CER1: variants seen among roughly 807,000 people sequenced by gnomAD.
The protein encoded by CER1 is cerberus.
CER1 carries 10 observed loss-of-function variants against 11.8 expected under a neutral mutation model. The ratio of observed to expected loss-of-function variants is 0.85; its 90% CI spans 0.52 to 1.44. The LOEUF is 1.44. Among genes scored for constraint, CER1 ranks in the 40% most tolerant of loss-of-function variants. CER1 has a pLI of 0.00. For missense variants in CER1, 431 were observed against 327.0 expected (o/e 1.32, Z -2.45); for synonymous variants, 141 against 122.3 (o/e 1.15, Z -1.01).
At position 14,719,969 on chromosome 9, in the gene CER1, A is replaced by G. The variant is rs74434454; in HGVS notation, c.*121T>C. The stretch of plus-strand genomic sequence containing the variant: ...ATTTCCTCTATCGTTCTAATTTAAA[A>G]CTACGTTTCAAGTCACCTTTCCCTG... On this transcript the variant is annotated 3_prime_UTR_variant, in exon 2 of 2. Coordinates refer to ENST00000380911, the MANE Select transcript of CER1 (RefSeq NM_005454.3). 87,224 of 870,508 alleles carry G rather than the reference A, an allele frequency of 0.1. 5,064 individuals carry two copies. Among genetic ancestry groups the G allele is most frequent in the Non-Finnish European group, 0.12 (67,241 of 557,250 alleles). 53.9% of individuals were successfully genotyped at this position (870,508 alleles called of 1,614,324 possible).
At position 14,722,660 on chromosome 9, in the gene CER1, A is replaced by T. The variant is rs775434586; in HGVS notation, c.13T>A (p.Leu5Ile). Residue 5 changes from leucine to isoleucine, a missense_variant, in exon 1 of 2, where the codon TTA becomes ATA. Coordinates refer to ENST00000380911, the MANE Select transcript of CER1 (RefSeq NM_005454.3). Reference protein sequence around the residue: MHLLLFQLLVLLPLG... With the variant: MHLLIFQLLVLLPLG... ...GGCAGGAGTACCAGCAGCTGAAATA[A>T]GAGGAGATGCATGCTGTCAGGGGCC... 3.1e-6 allele frequency: 5 copies of T among 1,599,900 alleles called. No homozygotes were observed. Among genetic ancestry groups the T allele is most frequent in the Non-Finnish European group, 4.2e-6 (5 of 1,179,342 alleles).
chr9:14,720,989 G>A (rs113161930), intron 1 of CER1, among the ~76,000 whole-genome samples: 3,005 of 152,246 alleles, frequency 0.02, 102 homozygotes, highest in African/African-American at 0.069. Flanking sequence ...AAATATGTAA[G>A]AGTCAAACAT....
chr9:14,719,980 A>G lies in CER1; in HGVS notation c.*110T>C. ...CGTTCTAATTTAAAACTACGTTTCA[A>G]GTCACCTTTCCCTGAAAATGTTATG... On this transcript the variant is annotated 3_prime_UTR_variant, in exon 2 of 2. Coordinates refer to ENST00000380911, the MANE Select transcript of CER1 (RefSeq NM_005454.3). 6 of 989,368 alleles carry G rather than the reference A, an allele frequency of 6.1e-6. No individual in the cohort carries two copies. Among genetic ancestry groups the G allele is most frequent in the Non-Finnish European group, 9.2e-6 (6 of 653,588 alleles). 61.3% of individuals were successfully genotyped at this position (989,368 alleles called of 1,614,324 possible).
At chr9:14,718,400 C>A (rs1397515660), downstream of CER1, among the ~76,000 whole-genome samples, 1 of 152,144 alleles carries the variant, frequency 6.6e-6, no homozygotes, top group Non-Finnish European at 1.5e-5. Flanking sequence ...ACAATTTTAT[C>A]CTTATGAGCA....
At position 14,722,225 on chromosome 9, in the gene CER1, A is replaced by T; in HGVS notation, c.448T>A (p.Leu150Met). The change falls in exon 1 of 2, where the codon TTG becomes ATG. Residue 150 changes from leucine (L) to methionine (M), a missense_variant. Physicochemically the swap from Leu to Met is conservative, Grantham distance 15 (BLOSUM62 2). Coordinates refer to ENST00000380911, the MANE Select transcript of CER1 (RefSeq NM_005454.3). ...RKTPASQGVI[L>M]PIKSHEVHWE... The stretch of plus-strand genomic sequence containing the variant: ...TGTACTTCATGGCTTTTGATGGGCA[A>T]GATGACCCCCTGAGAAGCCGGAGTT... 1 of 1,614,212 alleles carries T rather than the reference A, an allele frequency of 6.2e-7. No homozygotes were observed. Among genetic ancestry groups the T allele is most frequent in the Admixed American group, 1.7e-5 (1 of 60,032 alleles).
At chr9:14,718,943 A>C (rs1024494497), downstream of CER1, among the ~76,000 whole-genome samples, 1 of 152,070 alleles carries the variant, frequency 6.6e-6, no homozygotes, top group Non-Finnish European at 1.5e-5. Context: ...AAAACAAGTA[A>C]GGGAAAAATA....
At chr9:14,721,948 A>G (rs1355582874) in intron 1 of CER1, among the ~76,000 whole-genome samples, 1 of 152,222 alleles carries the variant, frequency 6.6e-6, no homozygotes, top group Non-Finnish European at 1.5e-5. Flanking sequence ...TGACAGTATC[A>G]TCATATCATT....
At chr9:14,717,751 T>C (rs1839956202), downstream of CER1, among the ~76,000 whole-genome samples, 1 of 152,172 alleles carries the variant, frequency 6.6e-6, no homozygotes, top group Non-Finnish European at 1.5e-5. Flanking sequence ...GCAAGAGACC[T>C]GGAAGAGTTC....
chr9:14,722,267 G>C lies in CER1; in HGVS notation c.406C>G (p.His136Asp). 6.2e-7 allele frequency: 1 copy of C among 1,614,178 alleles called. No homozygotes were observed. Among genetic ancestry groups the C allele is most frequent in the South Asian group, 1.1e-5 (1 of 91,074 alleles). ...LREEAKKFWH[H>D]FMFRKTPASQ... ...GCCGGAGTTTTTCTGAACATGAAGT[G>C]GTGCCAGAATTTCTTGGCTTCTTCC... Residue 136 changes from histidine (H) to aspartate (D), a missense_variant, in exon 1 of 2, where the codon CAC becomes GAC. Transcript: ENST00000380911.
Position 14,722,391 on chromosome 9 carries a change from C to A in CER1, c.282G>T (p.Met94Ile), listed in dbSNP as rs1587563800. The A allele has an allele frequency of 6.2e-7, 1 of 1,614,204 alleles. No homozygotes were observed. Among genetic ancestry groups the A allele is most frequent in the African/African-American group, 1.3e-5 (1 of 75,044 alleles). ...GRFWKKPERE[M>I]HPSRDSDSEP... is the part of the protein sequence containing the mutation. ...CACTATCTGAGTCCCTGGATGGATG[C>A]ATTTCTCTCTCAGGCTTCTTCCAGA... The change falls in exon 1 of 2, where the codon ATG becomes ATT. Residue 94 changes from methionine to isoleucine, a missense_variant. Physicochemically the swap from Met to Ile is conservative, Grantham distance 10. Coordinates refer to ENST00000380911, the MANE Select transcript of CER1 (RefSeq NM_005454.3).
At chr9:14,717,886 G>A (rs1839957452), downstream of CER1, among the ~76,000 whole-genome samples, 1 of 152,138 alleles carries the variant, frequency 6.6e-6, no homozygotes, top group South Asian at 2.1e-4. Flanking sequence ...AAAATACAGT[G>A]ATAACCTACT....
chr9:14,719,544 TGCCTGCCTGCCTGCCTG>T (rs1839975861), downstream of CER1, among the ~76,000 whole-genome samples: 1 of 69,734 alleles, frequency 1.4e-5, no homozygotes, highest in Non-Finnish European at 2.7e-5. Flanking sequence ...CCTGCCTGCC[TGCCTGCCTGCCTGCCTG>T]CCTTCCTTCC....
In CER1 at chr9:14,722,481, T is replaced by C. The variant is rs1840029090; in HGVS notation, c.192A>G (p.Val64=). The part of the protein sequence containing the change: ...PDLFVAVPHL[V]ATSPAGEGQR... ...GGCCTTCCCCTGCAGGGCTGGTGGC[T>C]ACAAGGTGTGGCACTGCGACAAACA... is the stretch of plus-strand genomic sequence containing the variant. Residue 64 remains valine, a synonymous_variant, in exon 1 of 2, where the codon GTA becomes GTG. Coordinates refer to ENST00000380911, the MANE Select transcript of CER1 (RefSeq NM_005454.3). 11 of 1,614,184 alleles carry C rather than the reference T, an allele frequency of 6.8e-6. No individual in the cohort carries two copies. Among genetic ancestry groups the C allele is most frequent in the Non-Finnish European group, 9.3e-6 (11 of 1,180,022 alleles).
At position 14,720,026 on chromosome 9, in the gene CER1, A is replaced by G. The variant is rs878942413; in HGVS notation, c.*64T>C. On this transcript the variant is annotated 3_prime_UTR_variant, in exon 2 of 2. Coordinates refer to ENST00000380911, the MANE Select transcript of CER1 (RefSeq NM_005454.3). Reference sequence around the variant, plus strand: ...TTATGTACCCACTTAACATTTTCAGACTGAATAATCAGCATCTTTGCTGTT... The same window carrying G: ...TTATGTACCCACTTAACATTTTCAGGCTGAATAATCAGCATCTTTGCTGTT... 3 of 1,501,232 alleles carry G rather than the reference A, an allele frequency of 2.0e-6. No homozygotes were observed. The highest frequency in any genetic ancestry group is 3.4e-5 in the Admixed American group (2 of 58,274). The allele number at this position is 1,501,232 out of a possible 1,614,324, so 93.0% of individuals were successfully genotyped here.
At chr9:14,719,667 C>T (rs1371095807), downstream of CER1, 1 of 151,846 alleles carries the variant, frequency 6.6e-6, no homozygotes, top group Non-Finnish European at 1.5e-5. Flanking sequence ...TGCTTCTTTG[C>T]TTGCTGGTGA....
chr9:14,722,690 C>G lies in CER1; in HGVS notation c.-18G>C. The G allele has an allele frequency of 6.3e-7, 1 of 1,576,818 alleles. No individual in the cohort carries two copies. The highest frequency in any genetic ancestry group is 8.5e-7 in the Non-Finnish European group (1 of 1,171,802). On this transcript the variant is annotated 5_prime_UTR_variant, in exon 1 of 2. Transcript: ENST00000380911. ...AGATGCATGCTGTCAGGGGCCCAAG[C>G]TTCTTTTGTAAATGATGAGGCCCAA...
rs1472372355 is a variant in CER1 at position 14,722,578 on chromosome 9, G to A, written c.95C>T (p.Pro32Leu). 1 of 1,613,468 alleles carries A rather than the reference G, an allele frequency of 6.2e-7. No individual in the cohort carries two copies. The highest frequency in any genetic ancestry group is 8.5e-7 in the Non-Finnish European group (1 of 1,180,040). The change falls in exon 1 of 2, where the codon CCC (proline) becomes CTC (leucine). Residue 32 changes from proline (P) to leucine (L), a missense_variant. Physicochemically the swap from Pro to Leu is moderately conservative, Grantham distance 98 (BLOSUM62 -3). Transcript: ENST00000380911. ...TCTTTGATTCCTTGGCAGGAGTACGGGGGAAAGAGAACTCTGATTCTGGCG... is the reference window on the plus strand; with the variant it reads ...TCTTTGATTCCTTGGCAGGAGTACGAGGGAAAGAGAACTCTGATTCTGGCG... ...DGRQNQSSLSPVLLPRNQREL... is the reference protein window; with the variant it reads ...DGRQNQSSLSLVLLPRNQREL...
At chr9:14,721,363 T>A (rs1357065407) in intron 1 of CER1, among the ~76,000 whole-genome samples, 1 of 152,216 alleles carries the variant, frequency 6.6e-6, no homozygotes. Flanking sequence ...GACAGTAGGA[T>A]GTCCCTTTGT....
Position 14,719,784 on chromosome 9 carries a change from T to A in CER1, c.*306A>T, listed in dbSNP as rs1839982070. ...TTGGAGAAAATGCATCACGGAATAT[T>A]AGTAGTGGAAAGGATTTTAGCAATC... is the stretch of plus-strand genomic sequence containing the variant. On this transcript the variant is annotated 3_prime_UTR_variant, in exon 2 of 2. Transcript: ENST00000380911. 1 of 282,786 alleles carries A rather than the reference T, an allele frequency of 3.5e-6. No individual in the cohort carries two copies. Among genetic ancestry groups the A allele is most frequent in the African/African-American group, 2.1e-5 (1 of 47,720 alleles). The allele number at this position is 282,786 out of a possible 1,614,324, so 17.5% of individuals were successfully genotyped here.
Sources: gnomAD v4.1 joint callset for allele counts (sites outside exome capture counted in the v4.1 genomes callset) on GRCh38, gnomAD v4.1.1 for gene constraint, MANE v1.5 for transcripts, NCBI Gene and HGNC (gene_info 2026-07-23, HGNC 2026-07-21) for gene names.